CYTH1: variants seen among roughly 807,000 people sequenced by gnomAD.
CYTH1 encodes cytohesin 1.
In CYTH1, 18 loss-of-function variants were observed where a neutral mutation model predicts 61.8. That is an observed-to-expected ratio of 0.29 (90% CI 0.20 to 0.43). CYTH1 has a LOEUF of 0.43. CYTH1 is among the 20% of genes least tolerant of loss of function. CYTH1 has a pLI of 1.00. For missense variants in CYTH1, 336 were observed against 510.5 expected (o/e 0.66, Z 3.29); for synonymous variants, 174 against 184.3 (o/e 0.94, Z 0.45).
chr17:78,754,667 A>G (rs1330457177), intron 1 of CYTH1, among the ~76,000 whole-genome samples: 1 of 152,178 alleles, frequency 6.6e-6, no homozygotes, highest in East Asian at 1.9e-4. Context: ...GATTTTTAGT[A>G]CAAGAATATA....
chr17:78,718,036 C>T (rs1309893753), intron 1 of CYTH1, among the ~76,000 whole-genome samples: 1 of 152,026 alleles, frequency 6.6e-6, no homozygotes, highest in Non-Finnish European at 1.5e-5. Flanking sequence ...AAGGAGTGAG[C>T]CCTCATTTGC....
chr17:78,715,454 C>T (rs934900023), intron 1 of CYTH1, among the ~76,000 whole-genome samples: 1 of 152,090 alleles, frequency 6.6e-6, no homozygotes, highest in Non-Finnish European at 1.5e-5. Flanking sequence ...GGACAGCAAG[C>T]GCCATCAACT....
intron 1 of CYTH1, among the ~76,000 whole-genome samples, chr17:78,712,639 A>G (rs2093146182): frequency 6.6e-6 from 1 of 152,140 alleles, no homozygotes; most frequent in Admixed American, 6.5e-5. Flanking sequence ...CTAGGCAACA[A>G]GAGCACAACT....
chr17:78,734,504 G>A (rs962591114), intron 1 of CYTH1, among the ~76,000 whole-genome samples: 3 of 123,002 alleles, frequency 2.4e-5, no homozygotes, highest in East Asian at 2.7e-4. Flanking sequence ...GCAGTGGTAC[G>A]ATTTCGGCTC....
chr17:78,681,796 C>T (rs1384563573), intron 11 of CYTH1, among the ~76,000 whole-genome samples: 1 of 150,878 alleles, frequency 6.6e-6, no homozygotes, highest in Non-Finnish European at 1.5e-5. Flanking sequence ...CCAGATAGCG[C>T]CACTGCACTC....
At chr17:78,691,035 A>C (rs2092879887) in intron 11 of CYTH1, among the ~76,000 whole-genome samples, 1 of 152,276 alleles carries the variant, frequency 6.6e-6, no homozygotes, top group Non-Finnish European at 1.5e-5. Context: ...AGATGTTCAC[A>C]GTGGTACTTT....
At chr17:78,763,245 A>G (rs2093435713) in intron 1 of CYTH1, among the ~76,000 whole-genome samples, 1 of 151,390 alleles carries the variant, frequency 6.6e-6, no homozygotes, top group Admixed American at 6.6e-5. Context: ...TGGGAGGCTG[A>G]GGCAGGAGAA....
At chr17:78,695,885 A>T in intron 10 of CYTH1, 122 bp downstream of exon 10, 1 of 1,302,864 alleles carries the variant, frequency 7.7e-7, no homozygotes, top group Non-Finnish European at 1.0e-6. Flanking sequence ...ATAAGTTAGA[A>T]GCAGCATTAA....
At chr17:78,703,305 G>A (rs1057143360) in intron 3 of CYTH1, among the ~76,000 whole-genome samples, 2 of 150,670 alleles carry the variant, frequency 1.3e-5, no homozygotes, top group Non-Finnish European at 1.5e-5. Flanking sequence ...CCAGCTACTC[G>A]GGAGGCTGAA....
At chr17:78,738,520 C>T (rs940405165) in intron 1 of CYTH1, among the ~76,000 whole-genome samples, 2 of 152,220 alleles carry the variant, frequency 1.3e-5, no homozygotes, top group Admixed American at 6.5e-5. Context: ...GGGGCGCTGT[C>T]TCCAGTCAGA....
chr17:78,763,152 T>C (rs1401869097), intron 1 of CYTH1, among the ~76,000 whole-genome samples: 1 of 152,082 alleles, frequency 6.6e-6, no homozygotes, highest in Non-Finnish European at 1.5e-5. Context: ...GAGACCAGCC[T>C]GGCCAACGTG....
At chr17:78,770,790 G>A (rs1406755001) in intron 1 of CYTH1, among the ~76,000 whole-genome samples, 4 of 152,110 alleles carry the variant, frequency 2.6e-5, no homozygotes, top group African/African-American at 4.8e-5. Context: ...AACAATGCCA[G>A]GTAAGGGCAC....
At chr17:78,683,390 G>C (rs2092783661) in intron 11 of CYTH1, among the ~76,000 whole-genome samples, 3 of 152,188 alleles carry the variant, frequency 2.0e-5, no homozygotes, top group Non-Finnish European at 2.9e-5. Context: ...GGAAGACTAA[G>C]AGCTGACTGG....
At position 78,675,650 on chromosome 17, in the gene CYTH1, C is replaced by T. The variant is rs1016922000; in HGVS notation, c.*441G>A. 7 of 352,870 alleles carry T rather than the reference C, an allele frequency of 2.0e-5. No individual in the cohort carries two copies. The highest frequency in any genetic ancestry group is 1.1e-4 in the African/African-American group (5 of 47,458). 21.9% of individuals were successfully genotyped at this position (352,870 alleles called of 1,614,324 possible). A position where few individuals can be genotyped will look rare whatever the true frequency, so the allele number is the denominator to read the frequency against. ...CTCTCTTAAAAAAAAAAAAATAGAT[C>T]TTTATAGTATGTGGCTTCTCTTCCT... On this transcript the variant is annotated 3_prime_UTR_variant, in exon 14 of 14. Transcript: ENST00000446868.
intron 1 of CYTH1, among the ~76,000 whole-genome samples, chr17:78,734,794 G>A (rs2093312895): frequency 1.3e-5 from 2 of 152,108 alleles, no homozygotes; most frequent in Admixed American, 1.3e-4. Flanking sequence ...TGCAGCAGAA[G>A]AGTCTGACTT....
intron 1 of CYTH1, among the ~76,000 whole-genome samples, chr17:78,776,478 GA>G (rs2093491464): frequency 1.3e-5 from 2 of 151,824 alleles, no homozygotes; most frequent in African/African-American, 4.8e-5. Flanking sequence ...CCAACATGAT[GA>G]AACCCCATCT....
intron 1 of CYTH1, among the ~76,000 whole-genome samples, chr17:78,745,499 T>C (rs73389859): frequency 0.011 from 1,641 of 152,304 alleles, 28 homozygotes; most frequent in African/African-American, 0.038. Flanking sequence ...CCCTTTAAAA[T>C]AAAGTCAAAA....
intron 11 of CYTH1, among the ~76,000 whole-genome samples, chr17:78,682,821 G>A (rs1042678164): frequency 6.6e-6 from 1 of 152,206 alleles, no homozygotes; most frequent in African/African-American, 2.4e-5. Flanking sequence ...GGCCCCCTAA[G>A]GAGGCAGCCT....
At chr17:78,746,483 T>G (rs1050653000) in intron 1 of CYTH1, among the ~76,000 whole-genome samples, 2 of 152,140 alleles carry the variant, frequency 1.3e-5, no homozygotes, top group Admixed American at 6.5e-5. Context: ...ACAGTGACAG[T>G]GCGGCGACCG....
Sources: allele counts gnomAD v4.1 joint callset (sites outside exome capture counted in the v4.1 genomes callset), GRCh38; gene constraint gnomAD v4.1.1; transcripts MANE v1.5; gene names NCBI Gene and HGNC (gene_info 2026-07-23, HGNC 2026-07-21).